Variants in ANP32B observed in about 807,000 individuals in gnomAD.
ANP32B encodes the protein acidic leucine-rich nuclear phosphoprotein 32 family member B.
In ANP32B, 6 loss-of-function variants were observed where a neutral mutation model predicts 32.2. That is an observed-to-expected ratio of 0.19 (90% CI 0.10 to 0.37). The LOEUF (loss-of-function observed/expected upper bound fraction) is 0.37. ANP32B is among the 10% of genes least tolerant of loss of function. The probability of loss-of-function intolerance (pLI) is 1.00; values close to 1 mark genes in which losing one functional copy is unlikely to be tolerated. For synonymous variants in ANP32B, 98 were observed against 105.8 expected, an observed-to-expected ratio of 0.93 and a Z score of 0.45; for missense variants, 204 against 289.2, an observed-to-expected ratio of 0.71 and a Z score of 2.14.
intron 2 of ANP32B, among the ~76,000 whole-genome samples, chr9:97,997,612 G>A (rs1827926690): frequency 6.6e-6 from 1 of 152,200 alleles, no homozygotes; most frequent in African/African-American, 2.4e-5. Flanking sequence ...CTACCCCATA[G>A]AGTTCTTGTG....
At chr9:97,998,430 A>C (rs1288224750) in intron 2 of ANP32B, 126 bp from the exon 3 acceptor site, 1 of 1,038,412 alleles carries the variant, frequency 9.6e-7, no homozygotes, top group Non-Finnish European at 1.3e-6. Context: ...GCATGCCCTA[A>C]TAGAAATAGG....
rs758027367 is a variant in ANP32B, at chr9:98,011,371, CGAT to C, written c.621_623del (p.Asp207del). ...AAGATGTAGAAGGGGATGAGGACGA[CGAT>C]GAAGTCAGTGAGGAGGTCAGTGCAG... On this transcript the variant is annotated inframe_deletion, in exon 5 of 7. Coordinates refer to ENST00000339399, the MANE Select transcript of ANP32B (RefSeq NM_006401.3). The C allele has an allele frequency of 2.0e-5, 32 of 1,576,770 alleles. No individual in the cohort carries two copies. Among genetic ancestry groups the C allele is most frequent in the African/African-American group, 1.6e-4 (12 of 74,188 alleles).
At chr9:98,012,579 CT>C in intron 6 of ANP32B, 107 bp downstream of exon 6, 1 of 1,495,018 alleles carries the variant, frequency 6.7e-7, no homozygotes, top group South Asian at 1.3e-5. Context: ...ACTCTTGGCT[CT>C]GGTGGTTTAC....
At chr9:97,999,555 G>A (rs1347083607) in intron 3 of ANP32B, among the ~76,000 whole-genome samples, 2 of 152,202 alleles carry the variant, frequency 1.3e-5, no homozygotes, top group African/African-American at 2.4e-5. Context: ...CTGAGTTTCA[G>A]TGCCACTTGG....
chr9:98,011,174 C>G, intron 4 of ANP32B, 97 bp from the exon 5 acceptor site: 4 of 1,471,420 alleles, frequency 2.7e-6, no homozygotes, highest in South Asian at 1.4e-5. Context: ...CGTGGCCTTA[C>G]AGCATTTGTT....
At chr9:98,003,803 C>T (rs57337895) in intron 3 of ANP32B, among the ~76,000 whole-genome samples, 9,242 of 152,220 alleles carry the variant, frequency 0.061, 895 homozygotes, top group African/African-American at 0.21. Context: ...GTACTATCTT[C>T]TTAGAGAATA....
intron 1 of ANP32B, among the ~76,000 whole-genome samples, chr9:97,988,425 TAATAGAGATCC>T (rs1275906617): frequency 2.0e-5 from 3 of 152,156 alleles, no homozygotes; most frequent in Non-Finnish European, 4.4e-5. Flanking sequence ...GGAGAACCAC[TAATAGAGATCC>T]GTTCCAGGCT....
At chr9:97,986,240 T>G (rs1314643114) in intron 1 of ANP32B, among the ~76,000 whole-genome samples, 2 of 152,270 alleles carry the variant, frequency 1.3e-5, no homozygotes, top group African/African-American at 4.8e-5. Flanking sequence ...TGCTCAGACG[T>G]GACAAGTGGC....
chr9:97,991,289 A>AT (rs1246015523), intron 1 of ANP32B, among the ~76,000 whole-genome samples: 1 of 151,748 alleles, frequency 6.6e-6, no homozygotes. Flanking sequence ...ATAATTATTT[A>AT]TTTTTTGTAG....
intron 5 of ANP32B, 133 bp downstream of exon 5, chr9:98,011,522 T>G: frequency 7.7e-7 from 1 of 1,303,460 alleles, no homozygotes. Context: ...ATTTACAATA[T>G]GAATCTGGTT....
At chr9:97,988,040 C>T (rs1489668896) in intron 1 of ANP32B, among the ~76,000 whole-genome samples, 2 of 152,028 alleles carry the variant, frequency 1.3e-5, no homozygotes, top group Non-Finnish European at 2.9e-5. Context: ...AACGTACCAT[C>T]TAGACACTTT....
intron 2 of ANP32B, among the ~76,000 whole-genome samples, chr9:97,995,058 A>G (rs953400384): frequency 1.3e-5 from 2 of 152,232 alleles, no homozygotes; most frequent in Non-Finnish European, 1.5e-5. Flanking sequence ...TTGGGTGCTC[A>G]ATAAGTAGTA....
chr9:98,006,388 T>C (rs1403357056), intron 4 of ANP32B, among the ~76,000 whole-genome samples: 1 of 152,122 alleles, frequency 6.6e-6, no homozygotes. Context: ...CATTTTTTTA[T>C]TTACCACTTC....
rs891980396 is a variant in ANP32B at position 98,007,536 on chromosome 9, G to A, written c.517+2383G>A. 6.6e-5 allele frequency among the ~76,000 whole-genome samples: 10 copies of A among 152,306 alleles called. No individual in the cohort carries two copies. In the South Asian group the frequency reaches 1.9e-3, roughly 28 times the overall value. ...CATGAGACTATGTTATGTGTACTTC[G>A]TTGCCAACCAGCACCACAGCTGCAG... is the stretch of plus-strand genomic sequence containing the variant. On this transcript the variant is annotated intron_variant, in intron 4 of 6. Coordinates refer to ENST00000339399, the MANE Select transcript of ANP32B (RefSeq NM_006401.3).
chr9:97,987,441 A>G (rs1430787277), intron 1 of ANP32B: 8 of 152,258 alleles, frequency 5.3e-5, no homozygotes, highest in Admixed American at 5.2e-4. Context: ...AGGTCTTGTC[A>G]GTAAAATGAG....
intron 5 of ANP32B, 39 bp from the exon 6 acceptor site, chr9:98,012,382 C>T: frequency 2.5e-6 from 4 of 1,596,142 alleles, no homozygotes; most frequent in Non-Finnish European, 1.7e-6. Context: ...TTCAATTTGG[C>T]AGAATTAATT....
At position 97,998,556 on chromosome 9, in the gene ANP32B, C is replaced by G; in HGVS notation, c.205C>G (p.Leu69Val). The G allele has an allele frequency of 6.2e-7, 1 of 1,605,630 alleles. No homozygotes were observed. The highest frequency in any genetic ancestry group is 2.3e-5 in the East Asian group (1 of 44,422). The change falls in exon 3 of 7, where the codon CTT (leucine) becomes GTT (valine). Residue 69 changes from leucine (L) to valine (V), a missense_variant and splice_region_variant. Leu to Val is a conservative substitution (Grantham distance 32). Transcript: ENST00000339399. ...GTGTTGTGTCCATTTTCTCTTGCAG[C>G]TTGAACTCAGTGAAAATAGAATCTT... ...NLPKLPKLKK[L>V]ELSENRIFGG...
chr9:97,993,453 C>T (rs1827860370), intron 1 of ANP32B, among the ~76,000 whole-genome samples: 1 of 152,132 alleles, frequency 6.6e-6, no homozygotes. Flanking sequence ...ATGGTAGGTT[C>T]ACTAAAAGAA....
At chr9:98,009,931 G>A (rs1298117792) in intron 4 of ANP32B, among the ~76,000 whole-genome samples, 1 of 152,208 alleles carries the variant, frequency 6.6e-6, no homozygotes, top group Non-Finnish European at 1.5e-5. Flanking sequence ...TGAGTTATAA[G>A]GTGGTAAAAT....
Sources: allele counts gnomAD v4.1 joint callset (sites outside exome capture counted in the v4.1 genomes callset), GRCh38; gene constraint gnomAD v4.1.1; transcripts MANE v1.5; gene names NCBI Gene and HGNC (gene_info 2026-07-23, HGNC 2026-07-21).